The following SV2A variants were observed in gnomAD, a reference collection of about 807,000 sequenced individuals.
SV2A encodes solute carrier family 22 member B1.
A neutral mutation model predicts 78.0 loss-of-function variants in SV2A; 25 were observed. That is an observed-to-expected ratio of 0.32 (90% CI 0.23 to 0.45). SV2A has a LOEUF of 0.45. Among genes scored for constraint, SV2A ranks in the 20% least tolerant of loss-of-function variants. SV2A has a pLI of 1.00. For missense variants in SV2A, 752 were observed against 971.5 expected (o/e 0.77, Z 3.00); for synonymous variants, 355 against 384.7 (o/e 0.92, Z 0.90).
At chr1:149,916,124 G>T (rs1299666681) in intron 1 of SV2A, among the ~76,000 whole-genome samples, 2 of 152,116 alleles carry the variant, frequency 1.3e-5, no homozygotes, top group African/African-American at 4.8e-5. Flanking sequence ...TCCCCTCAGC[G>T]CATGGCAATT....
Position 149,913,373 on chromosome 1 carries a change from T to G in SV2A, c.468A>C (p.Leu156=). 1.2e-6 allele frequency: 2 copies of G among 1,614,102 alleles called. No individual in the cohort carries two copies. The highest frequency in any genetic ancestry group is 1.7e-6 in the Non-Finnish European group (2 of 1,180,026). ...GGAAGCGGCCGTGGCCACACTCCCG[T>G]AGGATGGCTTCATACTGTTGGGCCA... The part of the protein sequence containing the change: ...EELAQQYEAI[L]RECGHGRFQW... The change falls in exon 2 of 13, where the codon CTA becomes CTC. Residue 156 remains leucine (L), a synonymous_variant. Coordinates refer to ENST00000369146, the MANE Select transcript of SV2A (RefSeq NM_014849.5).
At chr1:149,909,652 A>C in intron 6 of SV2A, 81 bp from the exon 7 acceptor site, 1 of 1,470,768 alleles carries the variant, frequency 6.8e-7, no homozygotes, top group East Asian at 2.3e-5. Context: ...CCCCTGCATT[A>C]GCAAAATGGG....
intron 3 of SV2A, 48 bp from the exon 4 acceptor site, chr1:149,911,025 G>C: frequency 6.3e-7 from 1 of 1,586,948 alleles, no homozygotes; most frequent in South Asian, 1.1e-5. Flanking sequence ...CCATAGTCCT[G>C]ATCCCCTGCC....
In SV2A at chr1:149,913,767, T is replaced by C. The variant is rs1225491475; in HGVS notation, c.74A>G (p.His25Arg). 4 of 1,614,024 alleles carry C rather than the reference T, an allele frequency of 2.5e-6. No individual in the cohort carries two copies. Among genetic ancestry groups the C allele is most frequent in the Non-Finnish European group, 3.4e-6 (4 of 1,180,026 alleles). The change falls in exon 2 of 13, where the codon CAT becomes CGT. Residue 25 changes from histidine to arginine, a missense_variant. Coordinates refer to ENST00000369146, the MANE Select transcript of SV2A (RefSeq NM_014849.5). ...AKDIAKEVKK[H>R]AAKKVVKGLD... ...GCCCTTCACCACCTTCTTGGCCGCA[T>C]GCTTTTTGACTTCCTTAGCAATGTC...
At position 149,913,263 on chromosome 1, in the gene SV2A, G is replaced by A; in HGVS notation, c.578C>T (p.Ala193Val). 1 of 1,614,094 alleles carries A rather than the reference G, an allele frequency of 6.2e-7. No homozygotes were observed. Among genetic ancestry groups the A allele is most frequent in the Non-Finnish European group, 8.5e-7 (1 of 1,180,024 alleles). ...VFVVGFVLPS[A>V]EKDMCLSDSN... ...GTCGGACAGGCACATGTCTTTCTCAGCGCTGGGCAGCACGAAGCCCACCAC... is the reference window on the plus strand; with the variant it reads ...GTCGGACAGGCACATGTCTTTCTCAACGCTGGGCAGCACGAAGCCCACCAC... Residue 193 changes from alanine to valine, a missense_variant, in exon 2 of 13, where the codon GCT becomes GTT. Physicochemically the swap from Ala to Val is moderately conservative, Grantham distance 64 (BLOSUM62 0). Transcript: ENST00000369146.
chr1:149,909,755 G>C (rs782598833), intron 6 of SV2A, 46 bp downstream of exon 6: 1 of 1,599,170 alleles, frequency 6.3e-7, no homozygotes. Flanking sequence ...GGTAGGGGCT[G>C]GGGCTGCAGG....
chr1:149,905,865 A>G lies in SV2A; in HGVS notation c.2045+15T>C. The stretch of plus-strand genomic sequence containing the variant: ...CCCTGAATCCACTGCCCTGCCTCCA[A>G]CACATTCCAACTACCTCTTGTCTGA... On this transcript the variant is annotated intron_variant, in intron 12 of 12. Coordinates refer to ENST00000369146, the MANE Select transcript of SV2A (RefSeq NM_014849.5). 6.2e-7 allele frequency: 1 copy of G among 1,613,728 alleles called. No homozygotes were observed. Among genetic ancestry groups the G allele is most frequent in the South Asian group, 1.1e-5 (1 of 91,040 alleles).
chr1:149,908,476 G>A (rs939173035), intron 8 of SV2A, among the ~76,000 whole-genome samples: 2 of 151,974 alleles, frequency 1.3e-5, no homozygotes, highest in East Asian at 3.9e-4. Flanking sequence ...TTTTCCCTCT[G>A]CCAAAAACAC....
At chr1:149,908,275 A>C (rs587619793) in intron 8 of SV2A, 69 bp from the exon 9 acceptor site, 507 of 1,551,454 alleles carry the variant, frequency 3.3e-4, no homozygotes, top group Non-Finnish European at 4.4e-4. Context: ...AGAATCAGGC[A>C]GAGGAGAAAA....
At chr1:149,917,212 C>T (rs1218801030) in intron 1 of SV2A, among the ~76,000 whole-genome samples, 1 of 151,692 alleles carries the variant, frequency 6.6e-6, no homozygotes, top group Non-Finnish European at 1.5e-5. Flanking sequence ...GGCGGCTCTA[C>T]ATCTCTGTCT....
At chr1:149,905,298 G>T in intron 12 of SV2A, 101 bp from the exon 13 acceptor site, 2 of 1,039,704 alleles carry the variant, frequency 1.9e-6, no homozygotes, top group Non-Finnish European at 2.8e-6. Flanking sequence ...TGCAGGCAGT[G>T]TCCAAGAGGG....
At chr1:149,908,375 G>A (rs1420405015) in intron 8 of SV2A, among the ~76,000 whole-genome samples, 169 bp from the exon 9 acceptor site, 1 of 151,636 alleles carries the variant, frequency 6.6e-6, no homozygotes, top group East Asian at 1.9e-4. Flanking sequence ...GCTTCTCCCT[G>A]CTCCTCCCTT....
rs1571503063 is a variant in SV2A at position 149,910,139 on chromosome 1, G to T, written c.1090-249C>A. Among the ~76,000 whole-genome samples, 1 of 152,166 alleles carries T rather than the reference G, an allele frequency of 6.6e-6. No homozygotes were observed. Among genetic ancestry groups the T allele is most frequent in the African/African-American group, 2.4e-5 (1 of 41,426 alleles). On this transcript the variant is annotated intron_variant, in intron 5 of 12. Transcript: ENST00000369146. The surrounding 1 kb of genome is among the most constrained non-coding windows in gnomAD (Gnocchi z 4.2). ...TGGGGGTGGGGAGTGTTGTCCAGGG[G>T]AAAAAGGCAAGCACAGGTCTTGGGA... is the stretch of plus-strand genomic sequence containing the variant.
At chr1:149,905,575 T>C in intron 12 of SV2A, 2 of 332,622 alleles carry the variant, frequency 6.0e-6, no homozygotes. Flanking sequence ...TGCCTTAGCC[T>C]CCTGAGTAGC....
chr1:149,906,872 A>G lies in SV2A; in HGVS notation c.1679-16T>C, dbSNP rs200965134. ...TCGAACAGGTCTGTGGGCAAAGGCC[A>G]AGATAAGCAGGCAGTCATAGCAGAT... is the stretch of plus-strand genomic sequence containing the variant. On this transcript the variant is annotated splice_polypyrimidine_tract_variant and intron_variant, in intron 10 of 12. Coordinates refer to ENST00000369146, the MANE Select transcript of SV2A (RefSeq NM_014849.5). The G allele has an allele frequency of 3.3e-5, 54 of 1,614,032 alleles. No individual in the cohort carries two copies. In the African/African-American group the frequency reaches 5.7e-4, roughly 17 times the overall value.
intron 2 of SV2A, among the ~76,000 whole-genome samples, chr1:149,912,779 ACCCTCCCC>A (rs1192268116): frequency 1.1e-4 from 16 of 141,952 alleles, no homozygotes; most frequent in African/African-American, 4.2e-4. Context: ...AAGATCCAGG[ACCCTCCCC>A]CCCTCCCCCA....
At chr1:149,911,316 G>A (rs782665045) in intron 3 of SV2A, among the ~76,000 whole-genome samples, 21 of 152,254 alleles carry the variant, frequency 1.4e-4, no homozygotes, top group Admixed American at 3.3e-4. Context: ...GATGTTGTGG[G>A]AATGGCCAGA....
rs1257393144 is a variant in SV2A at position 149,910,484 on chromosome 1, T to C, written c.1089+86A>G. 3 of 1,443,204 alleles carry C rather than the reference T, an allele frequency of 2.1e-6. No homozygotes were observed. Among genetic ancestry groups the C allele is most frequent in the Non-Finnish European group, 2.7e-6 (3 of 1,093,444 alleles). The allele number at this position is 1,443,204 out of a possible 1,614,324, so 89.4% of individuals were successfully genotyped here. A position where few individuals can be genotyped will look rare whatever the true frequency, so the allele number is the denominator to read the frequency against. On this transcript the variant is annotated intron_variant, in intron 5 of 12. Coordinates refer to ENST00000369146, the MANE Select transcript of SV2A (RefSeq NM_014849.5). The surrounding 1 kb of genome is among the most constrained non-coding windows in gnomAD (Gnocchi z 4.2). The stretch of plus-strand genomic sequence containing the variant: ...CAAACAGGATCAAATCAAACTCCAG[T>C]TGGTGTTTGAACACAGAAGCCCCTG...
chr1:149,907,882 C>T (rs1197125893), intron 9 of SV2A, 49 bp from the exon 10 acceptor site: 1 of 1,596,504 alleles, frequency 6.3e-7, no homozygotes, highest in Non-Finnish European at 8.5e-7. Flanking sequence ...CCTCATGCCC[C>T]CTCCAAGACT....
Sources: allele counts gnomAD v4.1 joint callset (sites outside exome capture counted in the v4.1 genomes callset), GRCh38; gene constraint gnomAD v4.1.1; non-coding constraint Gnocchi (gnomAD v3.1); transcripts MANE v1.5; gene names NCBI Gene and HGNC (gene_info 2026-07-23, HGNC 2026-07-21).